DLGAP2: variants seen among roughly 807,000 people sequenced by gnomAD.
DLGAP2 encodes DLG associated protein 2.
In DLGAP2, 26 loss-of-function variants were observed where a neutral mutation model predicts 100.3. The observed-to-expected ratio is 0.26, with a 90% CI of 0.19 to 0.36. The LOEUF is 0.36. Ranked by LOEUF, DLGAP2 falls within the 10% of genes least tolerant of loss-of-function variation. DLGAP2 has a pLI of 1.00. For synonymous variants in DLGAP2, 886 were observed against 630.1 expected, an observed-to-expected ratio of 1.41 and a Z score of -6.08; for missense variants, 1,858 against 1,453.2, an observed-to-expected ratio of 1.28 and a Z score of -4.53.
chr8:1,060,258 C>G (rs544585207), intron 2 of DLGAP2, among the ~76,000 whole-genome samples: 147 of 145,120 alleles, frequency 1.0e-3, no homozygotes, highest in African/African-American at 2.2e-3. Context: ...GCCAGAAGCC[C>G]GAAACCAAGG....
rs1463990868 is a variant in DLGAP2 at position 1,701,515 on chromosome 8, G to C, written c.*109G>C. ...TCCTCCTCCCGCTGAACACGTCCTC[G>C]CTCCCGCGCTCCCCGCGCCCCGGAC... On this transcript the variant is annotated 3_prime_UTR_variant, in exon 15 of 15. Transcript: ENST00000637795. 3 of 1,172,700 alleles carry C rather than the reference G, an allele frequency of 2.6e-6. No homozygotes were observed. The highest frequency in any genetic ancestry group is 1.6e-5 in the African/African-American group (1 of 64,166). The allele number at this position is 1,172,700 out of a possible 1,614,324, so 72.6% of individuals were successfully genotyped here.
At chr8:1,520,221 A>T (rs1189204195) in intron 4 of DLGAP2, among the ~76,000 whole-genome samples, 1 of 152,218 alleles carries the variant, frequency 6.6e-6, no homozygotes, top group African/African-American at 2.4e-5. Context: ...GGAGAAGAAC[A>T]GCTGCAGGCC....
intron 2 of DLGAP2, among the ~76,000 whole-genome samples, chr8:1,196,633 C>G (rs1453800531): frequency 1.3e-5 from 2 of 152,140 alleles, no homozygotes; most frequent in African/African-American, 4.8e-5. Context: ...AGGGGGGTAT[C>G]TCTGAGATGA....
chr8:1,182,241 G>C (rs2116705130), intron 2 of DLGAP2, among the ~76,000 whole-genome samples: 1 of 152,340 alleles, frequency 6.6e-6, no homozygotes, highest in East Asian at 1.9e-4. Context: ...GGGGCTTGGG[G>C]GCGACTGCCA....
At chr8:1,632,757 C>T in intron 7 of DLGAP2, 70 bp from the exon 8 acceptor site, 1 of 1,485,688 alleles carries the variant, frequency 6.7e-7, no homozygotes, top group Non-Finnish European at 9.1e-7. Context: ...AGCGCGCTCT[C>T]CTGGCTTTTC....
In DLGAP2 at chr8:1,641,904, CGACCCCGCCGGCCCT is replaced by C. The variant is rs1563275290; in HGVS notation, c.1810+8859_1810+8873del. Among the ~76,000 whole-genome samples, 120 of 128,466 alleles carry C rather than the reference CGACCCCGCCGGCCCT, an allele frequency of 9.3e-4. 4 individuals carry two copies. Among genetic ancestry groups the C allele is most frequent in the East Asian group, 4.1e-3 (19 of 4,608 alleles). The allele number at this position is 128,466 out of a possible 152,430, so 84.3% of individuals were successfully genotyped here. ...CGCCGGTCCTCACCTGTGTCACCCT[CGACCCCGCCGGCCCT>C]CACCTGTGTCACCCTCGACCCCGCC... is the stretch of plus-strand genomic sequence containing the variant. On this transcript the variant is annotated intron_variant, in intron 8 of 14. Transcript: ENST00000637795.
At chr8:887,042 C>T (rs1373221710) in intron 1 of DLGAP2, among the ~76,000 whole-genome samples, 2 of 152,180 alleles carry the variant, frequency 1.3e-5, no homozygotes, top group Non-Finnish European at 2.9e-5. Flanking sequence ...TTTTGTGAAT[C>T]TGGATACTCC....
chr8:1,114,920 C>T (rs1805068370), intron 2 of DLGAP2, among the ~76,000 whole-genome samples: 1 of 152,166 alleles, frequency 6.6e-6, no homozygotes, highest in East Asian at 1.9e-4. Flanking sequence ...TTTCAAAGAA[C>T]TTCTTGATTT....
At chr8:1,343,974 G>A (rs748973726) in intron 3 of DLGAP2, among the ~76,000 whole-genome samples, 57 of 152,338 alleles carry the variant, frequency 3.7e-4, no homozygotes, top group Admixed American at 1.9e-3. Flanking sequence ...GAAACATGGC[G>A]GACAGAGGAG....
At chr8:1,217,747 G>A (rs549438834) in intron 2 of DLGAP2, among the ~76,000 whole-genome samples, 17 of 152,100 alleles carry the variant, frequency 1.1e-4, no homozygotes, top group African/African-American at 3.9e-4. Flanking sequence ...TAAATTAAGC[G>A]TTATCTTTTC....
rs1208857556 is a variant in DLGAP2 at position 1,708,051 on chromosome 8, G to C, written c.*6645G>C. On this transcript the variant is annotated 3_prime_UTR_variant, in exon 15 of 15. Coordinates refer to ENST00000637795, the MANE Select transcript of DLGAP2 (RefSeq NM_001346810.2). ...TTGGTCATTCCTTTAAGGCAGTTAA[G>C]GATTGCTTTATTTGTGTTCTTTTTT... 2.0e-5 allele frequency: 3 copies of C among 152,568 alleles called. No individual in the cohort carries two copies. Among genetic ancestry groups the C allele is most frequent in the African/African-American group, 4.8e-5 (2 of 41,532 alleles). 9.5% of individuals were successfully genotyped at this position (152,568 alleles called of 1,614,324 possible). A position where few individuals can be genotyped will look rare whatever the true frequency, so the allele number is the denominator to read the frequency against.
chr8:1,535,542 C>A (rs763986625), intron 4 of DLGAP2, among the ~76,000 whole-genome samples: 2 of 152,148 alleles, frequency 1.3e-5, no homozygotes, highest in African/African-American at 4.8e-5. Flanking sequence ...GATGGGCATG[C>A]CTGGCACACA....
chr8:1,226,683 C>T (rs1449205111), intron 2 of DLGAP2, among the ~76,000 whole-genome samples: 1 of 152,062 alleles, frequency 6.6e-6, no homozygotes, highest in East Asian at 1.9e-4. Context: ...ATAAAAATGA[C>T]CAACATGGTT....
At chr8:1,591,344 A>G (rs1322137133) in intron 6 of DLGAP2, among the ~76,000 whole-genome samples, 2 of 152,122 alleles carry the variant, frequency 1.3e-5, no homozygotes, top group Non-Finnish European at 2.9e-5. Flanking sequence ...GGGAAGGAGG[A>G]TGGAGGAGAA....
chr8:1,414,839 T>C (rs1191577216), intron 3 of DLGAP2, among the ~76,000 whole-genome samples: 1 of 152,128 alleles, frequency 6.6e-6, no homozygotes, highest in Non-Finnish European at 1.5e-5. Context: ...CAAAACCCCA[T>C]GTCTACTAAA....
At chr8:1,478,980 C>T (rs1414642052) in intron 3 of DLGAP2, among the ~76,000 whole-genome samples, 1 of 152,204 alleles carries the variant, frequency 6.6e-6, no homozygotes, top group Admixed American at 6.5e-5. Flanking sequence ...CAGAAAATAA[C>T]CTCTGGGAAC....
rs573566778 is a variant in DLGAP2, at chr8:1,368,141, G to C, written c.106+109258G>C. ...TGTAGGCATGTGCGTGTATGCATGT[G>C]TATGTATTTGTAGTGCACATACGTG... On this transcript the variant is annotated intron_variant, in intron 3 of 14. Transcript: ENST00000637795. Among the ~76,000 whole-genome samples the C allele has an allele frequency of 2.0e-5, 3 of 152,254 alleles. No homozygotes were observed. The South Asian group carries it at 6.2e-4, about 32-fold the overall frequency.
At chr8:1,349,998 C>T (rs1177081880) in intron 3 of DLGAP2, among the ~76,000 whole-genome samples, 3 of 152,148 alleles carry the variant, frequency 2.0e-5, no homozygotes, top group Non-Finnish European at 4.4e-5. Context: ...CAAAACAACA[C>T]ATATAACCTT....
intron 4 of DLGAP2, among the ~76,000 whole-genome samples, chr8:1,523,958 G>T (rs1800704083): frequency 6.6e-6 from 1 of 152,216 alleles, no homozygotes; most frequent in African/African-American, 2.4e-5. Context: ...ACAAACATCT[G>T]AGGTCCAGAA....
Sources: allele counts gnomAD v4.1 joint callset (sites outside exome capture counted in the v4.1 genomes callset), GRCh38; gene constraint gnomAD v4.1.1; transcripts MANE v1.5; gene names NCBI Gene and HGNC (gene_info 2026-07-23, HGNC 2026-07-21).